ADGRB2: variants seen among roughly 807,000 people sequenced by gnomAD.
The protein encoded by ADGRB2 is brain-specific angiogenesis inhibitor 2.
A neutral mutation model predicts 178.7 loss-of-function variants in ADGRB2; 47 were observed. The ratio of observed to expected loss-of-function variants is 0.26; its 90% CI spans 0.21 to 0.34. The LOEUF is 0.34. Ranked by LOEUF, ADGRB2 falls within the 10% of genes least tolerant of loss-of-function variation. ADGRB2 has a pLI of 1.00. For synonymous variants in ADGRB2, 870 were observed against 912.4 expected, an observed-to-expected ratio of 0.95 and a Z score of 0.84; for missense variants, 1,584 against 2,180.8, an observed-to-expected ratio of 0.73 and a Z score of 5.45.
At chr1:31,737,269 C>A (rs140120911) in intron 20 of ADGRB2, among the ~76,000 whole-genome samples, 160 bp downstream of exon 20, 76 of 152,292 alleles carry the variant, frequency 5.0e-4, no homozygotes, top group African/African-American at 1.7e-3. Context: ...AATGTCCTCA[C>A]ATATGGTCTC....
rs375982114 is a variant in ADGRB2 at position 31,728,574 on chromosome 1, G to T, written c.4416+24C>A. The T allele has an allele frequency of 1.9e-6, 3 of 1,613,844 alleles. No homozygotes were observed. The highest frequency in any genetic ancestry group is 2.5e-6 in the Non-Finnish European group (3 of 1,179,904). Reference sequence around the variant, plus strand: ...AGACACCACAGCCAGATGTCCCACCGCCCAGCACACACATGGCCCTTACCT... The same window carrying T: ...AGACACCACAGCCAGATGTCCCACCTCCCAGCACACACATGGCCCTTACCT... On this transcript the variant is annotated intron_variant, in intron 30 of 32. Coordinates refer to ENST00000373658, the MANE Select transcript of ADGRB2 (RefSeq NM_001364857.2). The surrounding 1 kb of genome is among the most constrained non-coding windows in gnomAD (Gnocchi z 6.7).
rs376270733 is a variant in ADGRB2 at position 31,743,018 on chromosome 1, T to A, written c.1088-16A>T. The A allele has an allele frequency of 1.1e-4, 158 of 1,412,272 alleles. No homozygotes were observed. In the African/African-American group the frequency reaches 2.1e-3, roughly 19 times the overall value. The allele number at this position is 1,412,272 out of a possible 1,614,324, so 87.5% of individuals were successfully genotyped here. On this transcript the variant is annotated splice_polypyrimidine_tract_variant and intron_variant, in intron 6 of 32. Coordinates refer to ENST00000373658, the MANE Select transcript of ADGRB2 (RefSeq NM_001364857.2). ...ACGCCGTGCACTGCAAGGAAGCACG[T>A]GGCCGGTGGCTGGGCGGCACCATGG...
chr1:31,745,714 C>T (rs183816153), intron 4 of ADGRB2, among the ~76,000 whole-genome samples: 1 of 152,202 alleles, frequency 6.6e-6, no homozygotes, highest in Non-Finnish European at 1.5e-5. Flanking sequence ...TCCTCTCCCC[C>T]ACCTCCAGGC....
intron 18 of ADGRB2, 120 bp from the exon 19 acceptor site, chr1:31,737,875 C>T: frequency 2.2e-6 from 2 of 926,084 alleles, no homozygotes; most frequent in Non-Finnish European, 1.7e-6. Flanking sequence ...CACCTTCTTG[C>T]TGTTGTACTC....
In ADGRB2 at chr1:31,740,450, C is replaced by T. The variant is rs1198638899; in HGVS notation, c.1886G>A (p.Arg629His). 9.3e-6 allele frequency: 15 copies of T among 1,613,622 alleles called. No homozygotes were observed. The highest frequency in any genetic ancestry group is 1.7e-5 in the Admixed American group (1 of 59,970). Residue 629 changes from arginine to histidine, a missense_variant, in exon 12 of 33, where the codon CGC becomes CAC. Transcript: ENST00000373658. The surrounding 1 kb of genome is among the most constrained non-coding windows in gnomAD (Gnocchi z 5.9). ...GAGCAGGTCCCCACTATAGTAGGTG[C>T]GCCGGGCCAGTAGCTCCTGCAGGCT... ...VRSLQELLAR[R>H]TYYSGDLLFS...
At chr1:31,732,823 G>A (rs1462215291) in intron 26 of ADGRB2, 149 bp downstream of exon 26, 5 of 1,203,380 alleles carry the variant, frequency 4.2e-6, no homozygotes, top group Admixed American at 5.1e-5. Flanking sequence ...CGGGTACCCC[G>A]GGCTATCAGC....
chr1:31,732,308 G>A (rs913364616), intron 27 of ADGRB2, among the ~76,000 whole-genome samples, 154 bp from the exon 28 acceptor site: 3 of 152,274 alleles, frequency 2.0e-5, no homozygotes, highest in African/African-American at 7.2e-5. Context: ...GCCCAGGCAT[G>A]GCCTACCCCA....
Position 31,739,725 on chromosome 1 carries a change from C to T in ADGRB2, c.2168-90G>A, listed in dbSNP as rs148083904. 1,261 of 1,421,924 alleles carry T rather than the reference C, an allele frequency of 8.9e-4. 6 individuals carry two copies. In the African/African-American group the frequency reaches 0.016, roughly 18 times the overall value. 88.1% of individuals were successfully genotyped at this position (1,421,924 alleles called of 1,614,324 possible). Reference sequence around the variant, plus strand: ...GGAAGAGACAGATGTAGGGGAAACACGTACCAGGAAAGGTAGATGTGGACA... The same window carrying T: ...GGAAGAGACAGATGTAGGGGAAACATGTACCAGGAAAGGTAGATGTGGACA... On this transcript the variant is annotated intron_variant, in intron 14 of 32. Transcript: ENST00000373658.
chr1:31,729,468 G>A (rs1047350193), intron 29 of ADGRB2, among the ~76,000 whole-genome samples: 1 of 152,008 alleles, frequency 6.6e-6, no homozygotes, highest in Non-Finnish European at 1.5e-5. Flanking sequence ...GTAATACTAG[G>A]CACTCACACT....
chr1:31,732,276 C>T (rs1472130746), intron 27 of ADGRB2, 122 bp from the exon 28 acceptor site: 2 of 1,400,252 alleles, frequency 1.4e-6, no homozygotes, highest in Non-Finnish European at 2.0e-6. Flanking sequence ...TGCCCATGGC[C>T]CATAGCCCAT....
intron 21 of ADGRB2, 50 bp downstream of exon 21, chr1:31,736,523 C>A: frequency 6.2e-7 from 1 of 1,601,316 alleles, no homozygotes; most frequent in Non-Finnish European, 8.5e-7. Flanking sequence ...TCTCTTGCTG[C>A]CCCTGCCCAC....
In ADGRB2 at chr1:31,742,000, A is replaced by C; in HGVS notation, c.1418-33T>G. The C allele has an allele frequency of 6.3e-7, 1 of 1,583,830 alleles. No homozygotes were observed. Among genetic ancestry groups the C allele is most frequent in the Non-Finnish European group, 8.6e-7 (1 of 1,160,816 alleles). Reference sequence around the variant, plus strand: ...AGAGGTGAGGCATATGAGTGGGCCCAGGTACCCCCATGGTCAGAGCTGCAA... The same window carrying C: ...AGAGGTGAGGCATATGAGTGGGCCCCGGTACCCCCATGGTCAGAGCTGCAA... On this transcript the variant is annotated intron_variant, in intron 8 of 32. Transcript: ENST00000373658. The surrounding 1 kb of genome is among the most constrained non-coding windows in gnomAD (Gnocchi z 6.5).
In ADGRB2 at chr1:31,727,661, C is replaced by T. The variant is rs1645052845; in HGVS notation, c.4573-56G>A. The stretch of plus-strand genomic sequence containing the variant: ...TGGGCCAATATCCTTACCCATTGTA[C>T]AGACGATCAAACTGAGGAGTCCCAG... On this transcript the variant is annotated intron_variant, in intron 32 of 32. Transcript: ENST00000373658. This position sits in a 1 kb window ranked among gnomAD's most constrained non-coding sequence, Gnocchi z 4.4. 2 of 1,430,486 alleles carry T rather than the reference C, an allele frequency of 1.4e-6. No homozygotes were observed. Among genetic ancestry groups the T allele is most frequent in the South Asian group, 1.6e-5 (1 of 64,264 alleles). 88.6% of individuals were successfully genotyped at this position (1,430,486 alleles called of 1,614,324 possible). A position where few individuals can be genotyped will look rare whatever the true frequency, so the allele number is the denominator to read the frequency against.
rs1041668273 is a variant in ADGRB2 at position 31,728,388 on chromosome 1, C to G, written c.4417-108G>C. 3 of 1,350,964 alleles carry G rather than the reference C, an allele frequency of 2.2e-6. No homozygotes were observed. The highest frequency in any genetic ancestry group is 2.9e-5 in the African/African-American group (2 of 69,374). 83.7% of individuals were successfully genotyped at this position (1,350,964 alleles called of 1,614,324 possible). ...CCCCCACATCCCTCCCTGCTGCCAG[C>G]CCCTCTGGGACAAGACCTAGTTCTC... On this transcript the variant is annotated intron_variant, in intron 30 of 32. Transcript: ENST00000373658. This position sits in a 1 kb window ranked among gnomAD's most constrained non-coding sequence, Gnocchi z 6.7.
At chr1:31,748,686 T>C (rs2149007201) in intron 4 of ADGRB2, among the ~76,000 whole-genome samples, 1 of 152,364 alleles carries the variant, frequency 6.6e-6, no homozygotes, top group African/African-American at 2.4e-5. Flanking sequence ...AGGCCTGCAG[T>C]CCTGCAATCT....
In ADGRB2 at chr1:31,733,147, A is replaced by AG; in HGVS notation, c.3453-5dup. 6.4e-7 allele frequency: 1 copy of AG among 1,573,828 alleles called. No individual in the cohort carries two copies. On this transcript the variant is annotated splice_polypyrimidine_tract_variant and splice_region_variant and intron_variant, in intron 25 of 32. Coordinates refer to ENST00000373658, the MANE Select transcript of ADGRB2 (RefSeq NM_001364857.2). The surrounding 1 kb of genome is among the most constrained non-coding windows in gnomAD (Gnocchi z 4.3). Reference sequence around the variant, plus strand: ...GCAGGAGCTCCAGAGTGAGGCCCTGAGGGGACAGTGGCAGAGCCCATCAGA... The same window carrying AG: ...GCAGGAGCTCCAGAGTGAGGCCCTGAGGGGGACAGTGGCAGAGCCCATCAGA...
In ADGRB2 at chr1:31,741,998, C is replaced by T. The variant is rs1394247316; in HGVS notation, c.1418-31G>A. The T allele has an allele frequency of 1.9e-6, 3 of 1,582,888 alleles. No individual in the cohort carries two copies. The highest frequency in any genetic ancestry group is 2.6e-6 in the Non-Finnish European group (3 of 1,160,270). On this transcript the variant is annotated intron_variant, in intron 8 of 32. Transcript: ENST00000373658. This position sits in a 1 kb window ranked among gnomAD's most constrained non-coding sequence, Gnocchi z 6.5. ...GGAGAGGTGAGGCATATGAGTGGGCCCAGGTACCCCCATGGTCAGAGCTGC... is the reference window on the plus strand; with the variant it reads ...GGAGAGGTGAGGCATATGAGTGGGCTCAGGTACCCCCATGGTCAGAGCTGC...
In ADGRB2 at chr1:31,732,553, G is replaced by A. The variant is rs1214300848; in HGVS notation, c.3684C>T (p.Ser1228=). The change falls in exon 27 of 33, where the codon TCC becomes TCT. Residue 1228 remains serine (S), a synonymous_variant. Coordinates refer to ENST00000373658, the MANE Select transcript of ADGRB2 (RefSeq NM_001364857.2). ...GVCRADESED[S]PDSCKNGQLQ... ...GCTGCCCGTTCTTACACGAGTCAGG[G>A]GAGTCTTCGCTCTCATCAGCCCGGC... The A allele has an allele frequency of 1.9e-6, 3 of 1,614,164 alleles. No individual in the cohort carries two copies. Among genetic ancestry groups the A allele is most frequent in the Non-Finnish European group, 2.5e-6 (3 of 1,180,032 alleles).
At chr1:31,729,561 A>C (rs1449373339) in intron 29 of ADGRB2, among the ~76,000 whole-genome samples, 1 of 152,206 alleles carries the variant, frequency 6.6e-6, no homozygotes, top group East Asian at 1.9e-4. Flanking sequence ...TGGGGGCAAC[A>C]GGGCACCTCT....
Sources: allele counts gnomAD v4.1 joint callset (sites outside exome capture counted in the v4.1 genomes callset), GRCh38; gene constraint gnomAD v4.1.1; non-coding constraint Gnocchi (gnomAD v3.1); transcripts MANE v1.5; gene names NCBI Gene and HGNC (gene_info 2026-07-23, HGNC 2026-07-21).